Variants in SLC4A4 observed in about 807,000 individuals in gnomAD.
SLC4A4 encodes electrogenic sodium bicarbonate cotransporter 1.
SLC4A4 carries 27 observed loss-of-function variants against 111.5 expected under a neutral mutation model. The observed-to-expected ratio is 0.24, with a 90% CI of 0.18 to 0.33. The LOEUF is 0.33. Among genes scored for constraint, SLC4A4 ranks in the 10% least tolerant of loss-of-function variants. The pLI is 1.00. For synonymous variants in SLC4A4, 443 were observed against 463.4 expected, an observed-to-expected ratio of 0.96 and a Z score of 0.57; for missense variants, 909 against 1,315.5, an observed-to-expected ratio of 0.69 and a Z score of 4.78.
chr4:71,135,819 T>C (rs745477755), intron 2 of SLC4A4, among the ~76,000 whole-genome samples: 38 of 152,268 alleles, frequency 2.5e-4, no homozygotes, highest in Non-Finnish European at 1.8e-4. Context: ...TGAGATCATG[T>C]GGTATCTCAT....
At chr4:71,095,695 G>A (rs1049944527) in intron 2 of SLC4A4, among the ~76,000 whole-genome samples, 3 of 152,160 alleles carry the variant, frequency 2.0e-5, no homozygotes, top group African/African-American at 7.2e-5. Context: ...TGAACAAGAA[G>A]GGTATGGCTC....
At chr4:71,272,725 G>GA (rs1327642205) in intron 3 of SLC4A4, among the ~76,000 whole-genome samples, 1 of 152,106 alleles carries the variant, frequency 6.6e-6, no homozygotes, top group Non-Finnish European at 1.5e-5. Context: ...ACTTTGACAT[G>GA]AAAAGTGTTC....
chr4:71,151,287 C>T (rs1219172522), intron 2 of SLC4A4, among the ~76,000 whole-genome samples: 1 of 152,126 alleles, frequency 6.6e-6, no homozygotes, highest in Non-Finnish European at 1.5e-5. Flanking sequence ...TAACAAACAT[C>T]TTACTCATTT....
intron 2 of SLC4A4, among the ~76,000 whole-genome samples, chr4:71,106,983 A>C (rs1742946882): frequency 6.6e-6 from 1 of 150,714 alleles, no homozygotes; most frequent in African/African-American, 2.5e-5. Flanking sequence ...CTAAAAATAC[A>C]GAGAAATTAA....
Position 71,557,708 on chromosome 4 carries a change from C to T in SLC4A4, c.2764-4C>T, listed in dbSNP as rs1338104825. On this transcript the variant is annotated splice_region_variant and splice_polypyrimidine_tract_variant and intron_variant, in intron 21 of 25. Transcript: ENST00000264485. ...GTTGGACTCCTTTCCTCTTTCCTCC[C>T]CAGTTCATGGATCGTCTGAAGCTGC... The T allele has an allele frequency of 9.9e-6, 16 of 1,612,326 alleles. No individual in the cohort carries two copies. The highest frequency in any genetic ancestry group is 2.2e-5 in the East Asian group (1 of 44,750).
At chr4:71,142,135 A>G (rs1744014663) in intron 2 of SLC4A4, among the ~76,000 whole-genome samples, 1 of 152,214 alleles carries the variant, frequency 6.6e-6, no homozygotes, top group Non-Finnish European at 1.5e-5. Context: ...AACTATAGGT[A>G]CTCACTGCTC....
chr4:71,211,581 G>A (rs561248037), intron 1 of SLC4A4, among the ~76,000 whole-genome samples: 4 of 152,230 alleles, frequency 2.6e-5, no homozygotes, highest in African/African-American at 7.2e-5. Flanking sequence ...TTTTAAAAAT[G>A]TGGGTATGTT....
At chr4:71,502,446 C>T (rs1731037089) in intron 16 of SLC4A4, among the ~76,000 whole-genome samples, 2 of 152,062 alleles carry the variant, frequency 1.3e-5, no homozygotes, top group South Asian at 2.1e-4. Flanking sequence ...AATCTTCTTT[C>T]GATGTAGTCA....
intron 15 of SLC4A4, among the ~76,000 whole-genome samples, chr4:71,491,369 C>T (rs761688277): frequency 6.6e-6 from 1 of 151,922 alleles, no homozygotes; most frequent in Non-Finnish European, 1.5e-5. Flanking sequence ...CCTCAGATTA[C>T]ACCACTTCAT....
At chr4:71,488,888 ATGTGTGTGTGTG>A (rs66801188) in intron 15 of SLC4A4, among the ~76,000 whole-genome samples, 4 of 140,672 alleles carry the variant, frequency 2.8e-5, no homozygotes, top group Admixed American at 1.4e-4. Context: ...AGAAGAAAAA[ATGTGTGTGTGTG>A]TGTGTGTGTG....
intron 2 of SLC4A4, among the ~76,000 whole-genome samples, chr4:71,156,182 G>T (rs75757930): frequency 0.013 from 1,973 of 152,302 alleles, 21 homozygotes; most frequent in Middle Eastern, 0.024. Flanking sequence ...CGCCAAGGAG[G>T]CTGTTGTGGT....
At chr4:71,499,025 G>A (rs979561225) in intron 16 of SLC4A4, among the ~76,000 whole-genome samples, 1 of 152,088 alleles carries the variant, frequency 6.6e-6, no homozygotes, top group African/African-American at 2.4e-5. Flanking sequence ...CTCTTCAACT[G>A]TGTGGGTTTT....
chr4:71,421,593 T>A (rs1223323491), intron 7 of SLC4A4, among the ~76,000 whole-genome samples: 6 of 151,830 alleles, frequency 4.0e-5, no homozygotes, highest in African/African-American at 1.5e-4. Context: ...GAAGTAAAGC[T>A]CTCCTCAGCA....
rs190334746 is a variant in SLC4A4, at chr4:71,110,103, A to G, written c.-2+17311A>G. 4.5e-4 allele frequency among the ~76,000 whole-genome samples: 69 copies of G among 152,332 alleles called. 3 individuals carry two copies. In the East Asian group the frequency reaches 0.013, roughly 28 times the overall value. Reference sequence around the variant, plus strand: ...GAGTTCCAAAATCGTTGCATCAGGCAGATTGCTGGATTGTAATTACTGTCT... The same window carrying G: ...GAGTTCCAAAATCGTTGCATCAGGCGGATTGCTGGATTGTAATTACTGTCT... On this transcript the variant is annotated intron_variant, in intron 2 of 26. Transcript: ENST00000649996.
intron 16 of SLC4A4, among the ~76,000 whole-genome samples, chr4:71,514,373 G>A (rs773881362): frequency 1.3e-5 from 2 of 152,038 alleles, no homozygotes; most frequent in East Asian, 1.9e-4. Flanking sequence ...TCTGCTTCCC[G>A]TTTGCCTTCC....
chr4:71,145,097 C>G (rs1297774112), intron 2 of SLC4A4, among the ~76,000 whole-genome samples: 1 of 152,150 alleles, frequency 6.6e-6, no homozygotes, highest in East Asian at 1.9e-4. Context: ...TCATAGATAA[C>G]TCTTATTATT....
intron 3 of SLC4A4, among the ~76,000 whole-genome samples, chr4:71,270,722 C>G (rs1578721890): frequency 6.6e-6 from 1 of 152,224 alleles, no homozygotes; most frequent in East Asian, 1.9e-4. Flanking sequence ...ATCCACTGTC[C>G]TTAGTAGGGG....
chr4:71,427,554 T>C (rs1318243189), intron 7 of SLC4A4, among the ~76,000 whole-genome samples: 2 of 152,132 alleles, frequency 1.3e-5, no homozygotes, highest in Non-Finnish European at 2.9e-5. Flanking sequence ...ATTTCTGTTT[T>C]TACCCCCTCT....
intron 1 of SLC4A4, among the ~76,000 whole-genome samples, chr4:71,080,801 C>T (rs997228057): frequency 5.9e-5 from 9 of 152,018 alleles, no homozygotes; most frequent in African/African-American, 1.7e-4. Context: ...GCTGTAACCT[C>T]ATCTTTTATA....
Sources: allele counts gnomAD v4.1 joint callset (sites outside exome capture counted in the v4.1 genomes callset), GRCh38; gene constraint gnomAD v4.1.1; transcripts MANE v1.5; gene names NCBI Gene and HGNC (gene_info 2026-07-23, HGNC 2026-07-21).